Variants in DGKD observed in about 807,000 individuals in gnomAD.
The protein encoded by DGKD is DAG kinase delta.
In DGKD, 68 loss-of-function variants were observed where a neutral mutation model predicts 154.4. That is an observed-to-expected ratio of 0.44 (90% CI 0.36 to 0.54). The LOEUF (loss-of-function observed/expected upper bound fraction) is 0.54, where lower values mean the gene tolerates loss of function less well. DGKD is among the 20% of genes least tolerant of loss of function. The probability of loss-of-function intolerance (pLI) is 0.00; values close to 1 mark genes in which losing one functional copy is unlikely to be tolerated. For synonymous variants in DGKD, 693 were observed against 638.0 expected (o/e 1.09, Z -1.30); for missense variants, 1,343 against 1,593.6 (o/e 0.84, Z 2.68).
intron 24 of DGKD, among the ~76,000 whole-genome samples, 171 bp from the exon 25 acceptor site, chr2:233,462,177 C>T (rs2063665522): frequency 6.6e-6 from 1 of 152,204 alleles, no homozygotes; most frequent in Non-Finnish European, 1.5e-5. Context: ...ATCCTGTGCC[C>T]AAGCTTGTGA....
intron 3 of DGKD, among the ~76,000 whole-genome samples, chr2:233,399,563 G>A (rs1229032279): frequency 6.6e-6 from 1 of 152,218 alleles, no homozygotes; most frequent in East Asian, 1.9e-4. Context: ...GGGTGGAAGG[G>A]ATGTTTCTTG....
intron 3 of DGKD, 129 bp from the exon 4 acceptor site, chr2:233,434,251 G>A (rs2062618750): frequency 7.9e-6 from 5 of 630,776 alleles, no homozygotes; most frequent in South Asian, 5.3e-5. Flanking sequence ...TTTTGTTTTC[G>A]GTTCAGTGTG....
Position 233,450,021 on chromosome 2 carries a change from G to A in DGKD, c.1928G>A (p.Gly643Asp). The A allele has an allele frequency of 6.2e-7, 1 of 1,613,158 alleles. No homozygotes were observed. The highest frequency in any genetic ancestry group is 1.3e-5 in the African/African-American group (1 of 75,014). Residue 643 changes from glycine to aspartate, a missense_variant, in exon 16 of 30, where the codon GGC (glycine) becomes GAC (aspartate). This residue lies in a region of DGKD where 409 missense variants were observed against 446.0 expected (regional missense o/e 0.92). Coordinates refer to ENST00000264057, the MANE Select transcript of DGKD (RefSeq NM_152879.3). ...EQNAQTQEQE[G>D]FVLGLSESEE... ...AATGCCCAGACCCAGGAGCAGGAGG[G>A]CTTCGTCCTGGGCCTCTCTGAGTCA...
At chr2:233,448,493 A>C in intron 14 of DGKD, 118 bp downstream of exon 14, 1 of 849,426 alleles carries the variant, frequency 1.2e-6, no homozygotes, top group Non-Finnish European at 1.9e-6. Flanking sequence ...ACAAAGAATT[A>C]GACAAAACGC....
At chr2:233,360,079 G>GA (rs1306661231) in intron 1 of DGKD, among the ~76,000 whole-genome samples, 2 of 152,050 alleles carry the variant, frequency 1.3e-5, no homozygotes, top group African/African-American at 4.8e-5. Context: ...AGATGATGCT[G>GA]AATTTCTGGA....
Position 233,438,603 on chromosome 2 carries a change from C to T in DGKD, c.1085+224C>T, listed in dbSNP as rs1466410672. Among the ~76,000 whole-genome samples the T allele has an allele frequency of 1.3e-5, 2 of 152,206 alleles. No homozygotes were observed. The highest frequency in any genetic ancestry group is 2.4e-5 in the African/African-American group (1 of 41,460). ...GCGTGTGCACACACGTACATACATCCATGTACACACACCCATGCACGTGCA... is the reference window on the plus strand; with the variant it reads ...GCGTGTGCACACACGTACATACATCTATGTACACACACCCATGCACGTGCA... On this transcript the variant is annotated intron_variant, in intron 9 of 29. Transcript: ENST00000264057. The surrounding 1 kb of genome is among the most constrained non-coding windows in gnomAD (Gnocchi z 4.1).
intron 1 of DGKD, among the ~76,000 whole-genome samples, chr2:233,369,745 G>C (rs1291000609): frequency 6.6e-6 from 1 of 152,138 alleles, no homozygotes; most frequent in Non-Finnish European, 1.5e-5. Flanking sequence ...CTGCTGCTCT[G>C]GGCGGGCTCT....
chr2:233,446,759 C>T lies in DGKD; in HGVS notation c.1382C>T (p.Ser461Phe), dbSNP rs776387096. 1.2e-6 allele frequency: 2 copies of T among 1,614,228 alleles called. No individual in the cohort carries two copies. Among genetic ancestry groups the T allele is most frequent in the Non-Finnish European group, 8.5e-7 (1 of 1,180,044 alleles). The stretch of plus-strand genomic sequence containing the variant: ...GCCAAGCTCCCCCGGCAGGCCTCCT[C>T]CTCTACCGTCACCGAAGACTTCAGC... ...YEAKLPRQAS[S>F]STVTEDFSED... is the part of the protein sequence containing the mutation. Residue 461 changes from serine (S) to phenylalanine (F), a missense_variant, in exon 12 of 30, where the codon TCC (serine) becomes TTC (phenylalanine). Ser to Phe is a radical substitution (Grantham distance 155). Coordinates refer to ENST00000264057, the MANE Select transcript of DGKD (RefSeq NM_152879.3).
Position 233,441,863 on chromosome 2 carries a change from A to G in DGKD, c.1086-24A>G. ...TGTCCTGTGGAATGGATGTCATTTC[A>G]CGGCCTTTCTCTTTTCTCTGCAGCT... On this transcript the variant is annotated intron_variant, in intron 9 of 29. Coordinates refer to ENST00000264057, the MANE Select transcript of DGKD (RefSeq NM_152879.3). This position sits in a 1 kb window ranked among gnomAD's most constrained non-coding sequence, Gnocchi z 5.6. 6.2e-7 allele frequency: 1 copy of G among 1,604,248 alleles called. No homozygotes were observed. The highest frequency in any genetic ancestry group is 8.5e-7 in the Non-Finnish European group (1 of 1,172,586).
chr2:233,469,376 G>C lies in DGKD; in HGVS notation c.3561G>C (p.Leu1187=), dbSNP rs770638875. Residue 1187 remains leucine (L), a synonymous_variant, in exon 30 of 30, where the codon CTG becomes CTC. Coordinates refer to ENST00000264057, the MANE Select transcript of DGKD (RefSeq NM_152879.3). ...LHLERRDLKD[L]GVTKVGHMKR... ...CGGTGTCTTCTCTGTTGCAGGACCT[G>C]GGCGTGACCAAGGTGGGCCACATGA... is the stretch of plus-strand genomic sequence containing the variant. 2 of 1,611,470 alleles carry C rather than the reference G, an allele frequency of 1.2e-6. No homozygotes were observed. Among genetic ancestry groups the C allele is most frequent in the African/African-American group, 2.7e-5 (2 of 74,908 alleles).
At chr2:233,460,429 AGCT>A in intron 24 of DGKD, 84 bp downstream of exon 24, 1 of 1,524,646 alleles carries the variant, frequency 6.6e-7, no homozygotes, top group African/African-American at 1.4e-5. Context: ...TGGGGCGTGG[AGCT>A]GCTGCTCCTG....
In DGKD at chr2:233,445,325, G is replaced by A. The variant is rs2063030136; in HGVS notation, c.1195-298G>A. 6.6e-6 allele frequency among the ~76,000 whole-genome samples: 1 copy of A among 152,118 alleles called. No individual in the cohort carries two copies. The highest frequency in any genetic ancestry group is 1.5e-5 in the Non-Finnish European group (1 of 68,010). Reference sequence around the variant, plus strand: ...ATTTGGGAGACAGATCAGAGAGGGTGTGAGGGGCTGACCATCAAGATGTGA... The same window carrying A: ...ATTTGGGAGACAGATCAGAGAGGGTATGAGGGGCTGACCATCAAGATGTGA... On this transcript the variant is annotated intron_variant, in intron 10 of 29. Coordinates refer to ENST00000264057, the MANE Select transcript of DGKD (RefSeq NM_152879.3). This position sits in a 1 kb window ranked among gnomAD's most constrained non-coding sequence, Gnocchi z 5.5.
chr2:233,464,322 A>G (rs1449127087), intron 27 of DGKD, 39 bp downstream of exon 27: 14 of 1,606,562 alleles, frequency 8.7e-6, no homozygotes, highest in Non-Finnish European at 1.2e-5. Context: ...TCTCCCGGAC[A>G]TGGTGGCTCT....
intron 1 of DGKD, chr2:233,388,034 C>T (rs1477537205): frequency 3.1e-6 from 3 of 975,396 alleles, no homozygotes; most frequent in Non-Finnish European, 4.3e-6. Context: ...CACCCCCACC[C>T]ACACAGGCAC....
At chr2:233,359,759 C>T (rs1009485607) in intron 1 of DGKD, among the ~76,000 whole-genome samples, 4 of 152,144 alleles carry the variant, frequency 2.6e-5, no homozygotes, top group East Asian at 1.9e-4. Flanking sequence ...AACTGTTGTG[C>T]GAGGCACCAG....
At chr2:233,412,251 A>G (rs1049352360) in intron 3 of DGKD, among the ~76,000 whole-genome samples, 10 of 152,244 alleles carry the variant, frequency 6.6e-5, no homozygotes, top group African/African-American at 1.9e-4. Context: ...TTTCCAGTAC[A>G]TTAACACGAT....
In DGKD at chr2:233,438,109, T is replaced by G. The variant is rs2062758148; in HGVS notation, c.923-108T>G. ...TCCTCCTGACTTACAGGTGTGCATGTGTCAGGTGTGTGTCCTTTGGGGGGG... is the reference window on the plus strand; with the variant it reads ...TCCTCCTGACTTACAGGTGTGCATGGGTCAGGTGTGTGTCCTTTGGGGGGG... On this transcript the variant is annotated intron_variant, in intron 8 of 29. Transcript: ENST00000264057. This position sits in a 1 kb window ranked among gnomAD's most constrained non-coding sequence, Gnocchi z 4.1. The G allele has an allele frequency of 1.6e-6, 2 of 1,230,822 alleles. No homozygotes were observed. The highest frequency in any genetic ancestry group is 2.3e-6 in the Non-Finnish European group (2 of 864,430). The allele number at this position is 1,230,822 out of a possible 1,614,324, so 76.2% of individuals were successfully genotyped here.
chr2:233,365,952 G>A (rs1314942100), intron 1 of DGKD, among the ~76,000 whole-genome samples: 1 of 152,166 alleles, frequency 6.6e-6, no homozygotes, highest in Non-Finnish European at 1.5e-5. Flanking sequence ...TAGAAGAATA[G>A]CAACACATTA....
rs66652929 is a variant in DGKD, at chr2:233,367,851, CT to C, written c.156+13196del. 4.9e-3 allele frequency among the ~76,000 whole-genome samples: 608 copies of C among 124,074 alleles called. 8 individuals are homozygous for C. Among genetic ancestry groups the C allele is most frequent in the East Asian group, 7.8e-3 (34 of 4,356 alleles). The allele number at this position is 124,074 out of a possible 152,430, so 81.4% of individuals were successfully genotyped here. A position where few individuals can be genotyped will look rare whatever the true frequency, so the allele number is the denominator to read the frequency against. ...GGTCTTTTCTTCCTCTTTTTTTTTT[CT>C]TTTTTTTTTTTTTTTTTTAATAGAA... On this transcript the variant is annotated intron_variant, in intron 1 of 29. Transcript: ENST00000264057.
Sources: allele counts gnomAD v4.1 joint callset (sites outside exome capture counted in the v4.1 genomes callset), GRCh38; gene constraint gnomAD v4.1.1; regional missense constraint gnomAD v4.1.1; non-coding constraint Gnocchi (gnomAD v3.1); transcripts MANE v1.5; gene names NCBI Gene and HGNC (gene_info 2026-07-23, HGNC 2026-07-21).